The following CALN1 variants were observed in gnomAD, a reference collection of about 807,000 sequenced individuals.
CALN1 encodes calneuron 1, also known as calcium-binding protein 8.
A neutral mutation model predicts 30.6 loss-of-function variants in CALN1; 17 were observed. The observed-to-expected ratio is 0.56, with a 90% confidence interval of 0.38 to 0.83. CALN1 has a LOEUF of 0.83. CALN1 is among the 40% of genes least tolerant of loss of function. The pLI, the probability that CALN1 is intolerant of heterozygous loss-of-function variation, is 0.00. For synonymous variants in CALN1, 156 were observed against 131.4 expected (o/e 1.19, Z -1.28); for missense variants, 291 against 354.9 (o/e 0.82, Z 1.45).
At chr7:71,806,406 A>C (rs1228270480) in intron 6 of CALN1, among the ~76,000 whole-genome samples, 1 of 151,420 alleles carries the variant, frequency 6.6e-6, no homozygotes, top group Non-Finnish European at 1.5e-5. Context: ...TCCTGGGCTC[A>C]AGCAATTCTC....
At chr7:72,278,472 TACACACAC>T (rs59010102) in intron 3 of CALN1, among the ~76,000 whole-genome samples, 1,831 of 144,000 alleles carry the variant, frequency 0.013, 36 homozygotes, top group African/African-American at 0.038. Flanking sequence ...ATCAGGTCTG[TACACACAC>T]ACACACACAC....
intron 5 of CALN1, among the ~76,000 whole-genome samples, chr7:72,002,786 C>T (rs1425242760): frequency 1.3e-5 from 2 of 152,070 alleles, no homozygotes; most frequent in African/African-American, 2.4e-5. Context: ...GGACATTATG[C>T]TAAATGAAAA....
chr7:72,208,383 A>G (rs968774451), intron 3 of CALN1, among the ~76,000 whole-genome samples: 1 of 152,246 alleles, frequency 6.6e-6, no homozygotes, highest in Non-Finnish European at 1.5e-5. Flanking sequence ...TATCATTTTT[A>G]TCACAGCTCT....
intron 2 of CALN1, among the ~76,000 whole-genome samples, chr7:72,371,555 T>C (rs1804242537): frequency 6.6e-6 from 1 of 152,154 alleles, no homozygotes; most frequent in Non-Finnish European, 1.5e-5. Flanking sequence ...ACAGTGATTG[T>C]TTCCTGAGGC....
At chr7:72,080,756 G>A (rs561474639) in intron 4 of CALN1, among the ~76,000 whole-genome samples, 1 of 152,308 alleles carries the variant, frequency 6.6e-6, no homozygotes, top group African/African-American at 2.4e-5. Flanking sequence ...AGAGAACTGG[G>A]CAGAGGTACC....
chr7:72,225,087 G>A (rs758675482), intron 3 of CALN1, among the ~76,000 whole-genome samples: 4 of 150,926 alleles, frequency 2.7e-5, no homozygotes, highest in Non-Finnish European at 5.9e-5. Flanking sequence ...GGGTGACACA[G>A]CGAGACTCCA....
intron 3 of CALN1, among the ~76,000 whole-genome samples, chr7:72,115,076 TTATATATGGACATTATAC>T: frequency 6.7e-6 from 1 of 148,846 alleles, no homozygotes; most frequent in Admixed American, 6.7e-5. Flanking sequence ...GGACATTACA[TTATATATGGACATTATAC>T]TATATATATA....
At chr7:72,089,526 G>T (rs547160961) in intron 4 of CALN1, among the ~76,000 whole-genome samples, 1 of 152,162 alleles carries the variant, frequency 6.6e-6, no homozygotes, top group Admixed American at 6.5e-5. Flanking sequence ...ACACATATTG[G>T]GTAAAAGTTT....
At chr7:72,385,530 T>G (rs772414540) in intron 2 of CALN1, among the ~76,000 whole-genome samples, 7 of 152,060 alleles carry the variant, frequency 4.6e-5, no homozygotes, top group Non-Finnish European at 8.8e-5. Flanking sequence ...CATCTCGAAT[T>G]CTCATCCCCA....
intron 3 of CALN1, among the ~76,000 whole-genome samples, chr7:72,271,600 C>A (rs2129553507): frequency 1.5e-5 from 1 of 66,998 alleles, no homozygotes; most frequent in Non-Finnish European, 2.8e-5. Context: ...ATATAGTTTT[C>A]AGCAGGCAGG....
intron 5 of CALN1, among the ~76,000 whole-genome samples, chr7:71,978,103 T>C (rs1798190154): frequency 6.6e-6 from 1 of 150,718 alleles, no homozygotes; most frequent in African/African-American, 2.4e-5. Flanking sequence ...TCTGGGAGCT[T>C]CCCCACCATA....
chr7:72,217,406 T>G (rs1792907041), intron 3 of CALN1, among the ~76,000 whole-genome samples: 1 of 152,006 alleles, frequency 6.6e-6, no homozygotes, highest in Non-Finnish European at 1.5e-5. Flanking sequence ...AGAAAACAAC[T>G]CTATAAAGCC....
At chr7:72,188,562 AG>A (rs1311574512) in intron 3 of CALN1, among the ~76,000 whole-genome samples, 2 of 149,846 alleles carry the variant, frequency 1.3e-5, no homozygotes, top group Non-Finnish European at 3.0e-5. Context: ...AAAGGGTGGG[AG>A]GGGGGTGAGG....
At chr7:72,116,770 G>A (rs751064656) in intron 3 of CALN1, among the ~76,000 whole-genome samples, 4 of 152,140 alleles carry the variant, frequency 2.6e-5, no homozygotes, top group Non-Finnish European at 2.9e-5. Flanking sequence ...CCCAGCTATT[G>A]ACCAAAGGAG....
intron 1 of CALN1, among the ~76,000 whole-genome samples, chr7:72,440,030 C>A (rs1349873062): frequency 1.3e-5 from 2 of 152,202 alleles, no homozygotes; most frequent in South Asian, 2.1e-4. Flanking sequence ...CAACTGTATT[C>A]TTTTCGAATT....
chr7:72,305,891 G>C (rs748686855), intron 2 of CALN1, among the ~76,000 whole-genome samples: 4 of 152,124 alleles, frequency 2.6e-5, no homozygotes, highest in Non-Finnish European at 4.4e-5. Context: ...GTCGGGGAGA[G>C]ACAGAAAGAG....
chr7:72,341,966 A>G (rs1308158979), intron 2 of CALN1, among the ~76,000 whole-genome samples: 1 of 152,078 alleles, frequency 6.6e-6, no homozygotes, highest in Non-Finnish European at 1.5e-5. Flanking sequence ...CCTCAGAAGT[A>G]GAGAAGGCTA....
chr7:72,392,519 G>C (rs375803003), intron 2 of CALN1, among the ~76,000 whole-genome samples: 6 of 152,284 alleles, frequency 3.9e-5, no homozygotes, highest in African/African-American at 9.6e-5. Context: ...GTCAACTTGT[G>C]TCTCTCCAGT....
At chr7:71,868,643 A>G (rs1791738030) in intron 5 of CALN1, among the ~76,000 whole-genome samples, 1 of 152,020 alleles carries the variant, frequency 6.6e-6, no homozygotes, top group Non-Finnish European at 1.5e-5. Flanking sequence ...GAGTGCTGGG[A>G]TAAGAACTCA....
Sources: allele counts gnomAD v4.1 joint callset (sites outside exome capture counted in the v4.1 genomes callset), GRCh38; gene constraint gnomAD v4.1.1; transcripts MANE v1.5; gene names NCBI Gene and HGNC (gene_info 2026-07-23, HGNC 2026-07-21).